Variants in RBMS3 observed in about 807,000 individuals in gnomAD.
RBMS3 encodes RNA-binding motif, single-stranded-interacting protein 3.
Under a neutral mutation model 66.8 loss-of-function variants are expected in RBMS3, and 27 were observed. The ratio of observed to expected loss-of-function variants is 0.40; its 90% CI spans 0.30 to 0.56. The LOEUF (loss-of-function observed/expected upper bound fraction) is 0.56, where lower values mean the gene tolerates loss of function less well. Ranked by LOEUF, RBMS3 falls within the 20% of genes least tolerant of loss-of-function variation. The probability of loss-of-function intolerance (pLI) is 0.40; values close to 1 mark genes in which losing one functional copy is unlikely to be tolerated. For synonymous variants in RBMS3, 188 were observed against 183.0 expected, an observed-to-expected ratio of 1.03 and a Z score of -0.22; for missense variants, 513 against 549.5, an observed-to-expected ratio of 0.93 and a Z score of 0.66.
At chr3:29,329,700 C>T (rs1317732324) in intron 1 of RBMS3, among the ~76,000 whole-genome samples, 1 of 151,516 alleles carries the variant, frequency 6.6e-6, no homozygotes, top group Non-Finnish European at 1.5e-5. Context: ...AAGCTTAATG[C>T]ATATTTAAGC....
rs1164122801 is a variant in RBMS3 at position 30,003,983 on chromosome 3, T to G, written c.*121T>G. On this transcript the variant is annotated 3_prime_UTR_variant, in exon 15 of 15. Coordinates refer to ENST00000383767, the MANE Select transcript of RBMS3 (RefSeq NM_001003793.3). Reference sequence around the variant, plus strand: ...ATGCATTTTTTTGTTGTTGTTGTTGTTTTTTTTTTAGTGTTATACCTTACC... The same window carrying G: ...ATGCATTTTTTTGTTGTTGTTGTTGGTTTTTTTTTAGTGTTATACCTTACC... 23 of 707,296 alleles carry G rather than the reference T, an allele frequency of 3.3e-5. No individual in the cohort carries two copies. The East Asian group carries it at 7.4e-4, about 23-fold the overall frequency. The allele number at this position is 707,296 out of a possible 1,614,324, so 43.8% of individuals were successfully genotyped here.
At chr3:29,944,859 T>G (rs1025141452) in intron 12 of RBMS3, among the ~76,000 whole-genome samples, 5 of 151,744 alleles carry the variant, frequency 3.3e-5, no homozygotes, top group Non-Finnish European at 5.9e-5. Context: ...GAGGTTGATT[T>G]GAAAATATGT....
At position 29,734,566 on chromosome 3, in the gene RBMS3, C is replaced by A. The variant is rs149102656; in HGVS notation, c.400-5154C>A. Among the ~76,000 whole-genome samples, 588 of 151,960 alleles carry A rather than the reference C, an allele frequency of 3.9e-3. 1 individual carries two copies. The highest frequency in any genetic ancestry group is 6.4e-3 in the Non-Finnish European group (433 of 67,924). On this transcript the variant is annotated intron_variant, in intron 4 of 14. Transcript: ENST00000383767. ...TTAAAAATGTTTTTTAAAAAGGGTTCGATAGTATATAAAGTAAGCAAGAAC... is the reference window on the plus strand; with the variant it reads ...TTAAAAATGTTTTTTAAAAAGGGTTAGATAGTATATAAAGTAAGCAAGAAC...
At chr3:29,482,532 A>G (rs1439206587) in intron 2 of RBMS3, among the ~76,000 whole-genome samples, 1 of 152,064 alleles carries the variant, frequency 6.6e-6, no homozygotes, top group Non-Finnish European at 1.5e-5. Context: ...AGAGATTTAC[A>G]TAGGCATTGC....
chr3:29,784,541 T>C (rs2056753324), intron 6 of RBMS3, among the ~76,000 whole-genome samples: 2 of 152,016 alleles, frequency 1.3e-5, no homozygotes, highest in Admixed American at 6.6e-5. Flanking sequence ...AAAGTGGTGC[T>C]AAGAGGAAAG....
At chr3:29,356,091 G>A (rs987861434) in intron 1 of RBMS3, among the ~76,000 whole-genome samples, 3 of 152,068 alleles carry the variant, frequency 2.0e-5, no homozygotes, top group South Asian at 2.1e-4. Flanking sequence ...TAAGGACCAC[G>A]AGTTAACTAC....
At chr3:29,749,077 T>C (rs558525341) in intron 5 of RBMS3, among the ~76,000 whole-genome samples, 2 of 152,262 alleles carry the variant, frequency 1.3e-5, no homozygotes, top group East Asian at 3.9e-4. Context: ...CAGTGAGAGA[T>C]ACATATTGCA....
At chr3:29,498,630 A>C (rs1431897478) in intron 3 of RBMS3, among the ~76,000 whole-genome samples, 1 of 152,224 alleles carries the variant, frequency 6.6e-6, no homozygotes, top group Non-Finnish European at 1.5e-5. Context: ...TGGACAAGGC[A>C]CATAACATCT....
chr3:29,697,113 C>A (rs1317298738), intron 4 of RBMS3: 3 of 984,930 alleles, frequency 3.0e-6, no homozygotes, highest in Non-Finnish European at 3.6e-6. Context: ...TAAACAGGCA[C>A]AAAAAGCATT....
chr3:29,323,684 A>G (rs972083062), intron 1 of RBMS3, among the ~76,000 whole-genome samples: 8 of 101,878 alleles, frequency 7.9e-5, no homozygotes, highest in Non-Finnish European at 1.4e-4. Context: ...ACAGTTACAC[A>G]CACACATACA....
At chr3:29,384,474 A>G (rs1192222222) in intron 1 of RBMS3, among the ~76,000 whole-genome samples, 3 of 125,258 alleles carry the variant, frequency 2.4e-5, no homozygotes, top group Non-Finnish European at 5.3e-5. Flanking sequence ...AGAATCCAGA[A>G]AGACTCCAGA....
chr3:29,944,300 T>C, intron 12 of RBMS3, 46 bp downstream of exon 12: 1 of 1,498,430 alleles, frequency 6.7e-7, no homozygotes, highest in Non-Finnish European at 9.3e-7. Flanking sequence ...AGGGGAGAGA[T>C]GGAGGTTGCC....
chr3:29,437,755 C>T (rs2041454770), intron 2 of RBMS3, among the ~76,000 whole-genome samples: 1 of 152,288 alleles, frequency 6.6e-6, no homozygotes, highest in East Asian at 1.9e-4. Context: ...CTTTTTGCCT[C>T]TTAACGTTGG....
In RBMS3 at chr3:29,819,435, CAT is replaced by C. The variant is rs376728309; in HGVS notation, c.638-49421_638-49420del. ...AACAGACCAGATTTGGACCACAAGC[CAT>C]AGTTTACCAATTCTTCATGTGTTGT... On this transcript the variant is annotated intron_variant, in intron 6 of 14. Transcript: ENST00000383767. Among the ~76,000 whole-genome samples, 11 of 152,242 alleles carry C rather than the reference CAT, an allele frequency of 7.2e-5. No homozygotes were observed. The South Asian group carries it at 2.3e-3, about 32-fold the overall frequency.
At chr3:29,672,051 C>T (rs575395258) in intron 4 of RBMS3, among the ~76,000 whole-genome samples, 1 of 152,192 alleles carries the variant, frequency 6.6e-6, no homozygotes, top group Non-Finnish European at 1.5e-5. Context: ...GTCAGGTTAC[C>T]CATAAATGGA....
intron 3 of RBMS3, among the ~76,000 whole-genome samples, chr3:29,559,788 C>T (rs1042424248): frequency 4.6e-5 from 7 of 152,014 alleles, no homozygotes; most frequent in Non-Finnish European, 1.0e-4. Flanking sequence ...GCCTAAAATA[C>T]ACAGAATACC....
chr3:29,788,399 G>A (rs1209918609), intron 6 of RBMS3, among the ~76,000 whole-genome samples: 1 of 151,946 alleles, frequency 6.6e-6, no homozygotes, highest in African/African-American at 2.4e-5. Flanking sequence ...CTAACTTTTT[G>A]TATTTTTAGT....
At chr3:29,477,143 T>C (rs1415942424) in intron 2 of RBMS3, among the ~76,000 whole-genome samples, 3 of 151,840 alleles carry the variant, frequency 2.0e-5, no homozygotes, top group Admixed American at 1.3e-4. Flanking sequence ...TCATAAAGTA[T>C]TTTACAGTCA....
At chr3:29,498,710 A>C (rs1229902587) in intron 3 of RBMS3, among the ~76,000 whole-genome samples, 1 of 152,194 alleles carries the variant, frequency 6.6e-6, no homozygotes, top group Admixed American at 6.5e-5. Context: ...TTTCAGAACT[A>C]CATGGAACCA....
Sources: allele counts gnomAD v4.1 joint callset (sites outside exome capture counted in the v4.1 genomes callset), GRCh38; gene constraint gnomAD v4.1.1; transcripts MANE v1.5; gene names NCBI Gene and HGNC (gene_info 2026-07-23, HGNC 2026-07-21).